TFCP2L1: variants seen among roughly 807,000 people sequenced by gnomAD.
TFCP2L1 encodes the protein transcription factor CP2-like protein 1.
A neutral mutation model predicts 72.2 loss-of-function variants in TFCP2L1; 12 were observed. The observed-to-expected ratio is 0.17, with a 90% CI of 0.11 to 0.27. TFCP2L1 has a LOEUF of 0.27. Among genes scored for constraint, TFCP2L1 ranks in the 10% least tolerant of loss-of-function variants. TFCP2L1 has a pLI of 1.00. For synonymous variants in TFCP2L1, 260 were observed against 251.0 expected (o/e 1.04, Z -0.34); for missense variants, 488 against 624.6 (o/e 0.78, Z 2.33).
chr2:121,255,843 C>T (rs773929864), intron 2 of TFCP2L1, among the ~76,000 whole-genome samples: 2 of 152,002 alleles, frequency 1.3e-5, no homozygotes, highest in Admixed American at 1.3e-4. Context: ...CCCGGGTTCA[C>T]GCCATTCTCC....
chr2:121,255,863 C>T (rs2104718966), intron 2 of TFCP2L1, among the ~76,000 whole-genome samples: 1 of 152,192 alleles, frequency 6.6e-6, no homozygotes, highest in East Asian at 1.9e-4. Flanking sequence ...CTGCCTCAGG[C>T]TCCCGAGTAG....
Position 121,249,578 on chromosome 2 carries a change from T to C in TFCP2L1, c.284A>G (p.Tyr95Cys), listed in dbSNP as rs756667578. ...ACAGCCTGTGAGGCTTACCTTGACA[T>C]ATTTTGTGTTCAGATCTTGAAAGTC... is the stretch of plus-strand genomic sequence containing the variant. Reference protein sequence around the residue: ...LGDFQDLNTKYVKSIIRVVFH... With the variant: ...LGDFQDLNTKCVKSIIRVVFH... The change falls in exon 3 of 15, where the codon TAT becomes TGT. Residue 95 changes from tyrosine (Y) to cysteine (C), a missense_variant. Physicochemically the swap from Tyr to Cys is radical, Grantham distance 194 (BLOSUM62 -2). Coordinates refer to ENST00000263707, the MANE Select transcript of TFCP2L1 (RefSeq NM_014553.3). 6 of 1,614,052 alleles carry C rather than the reference T, an allele frequency of 3.7e-6. No homozygotes were observed. The highest frequency in any genetic ancestry group is 5.1e-6 in the Non-Finnish European group (6 of 1,180,030).
At chr2:121,234,975 A>C (rs1686214859) in intron 11 of TFCP2L1, among the ~76,000 whole-genome samples, 1 of 152,230 alleles carries the variant, frequency 6.6e-6, no homozygotes, top group Non-Finnish European at 1.5e-5. Context: ...CGTCCAACCA[A>C]GAAGAGGGAG....
At chr2:121,235,190 T>G (rs746789687) in intron 11 of TFCP2L1, 31 bp downstream of exon 11, 1 of 1,612,922 alleles carries the variant, frequency 6.2e-7, no homozygotes, top group Admixed American at 1.7e-5. Flanking sequence ...CATGAGCCTC[T>G]GGCTGGCTTC....
rs562182133 is a variant in TFCP2L1, at chr2:121,230,513, G to A, written c.1341+1313C>T. Among the ~76,000 whole-genome samples the A allele has an allele frequency of 6.6e-5, 10 of 152,168 alleles. No homozygotes were observed. The South Asian group carries it at 1.2e-3, about 19-fold the overall frequency. ...AGGCTTCACTTCAGCTGGTGCAGGG[G>A]CTCATGCCTGTAATCCCAGCACTTT... On this transcript the variant is annotated intron_variant, in intron 13 of 14. Transcript: ENST00000263707.
At chr2:121,280,060 T>C (rs1326617376) in intron 2 of TFCP2L1, among the ~76,000 whole-genome samples, 1 of 152,108 alleles carries the variant, frequency 6.6e-6, no homozygotes, top group Non-Finnish European at 1.5e-5. Flanking sequence ...ATCAGGACAC[T>C]TGCCCACGTG....
chr2:121,247,071 G>T, intron 5 of TFCP2L1, 101 bp from the exon 6 acceptor site: 1 of 1,425,986 alleles, frequency 7.0e-7, no homozygotes, highest in Non-Finnish European at 9.6e-7. Context: ...TCCCTGCTTG[G>T]TCAGTGCAGG....
At chr2:121,273,945 T>C (rs1037910045) in intron 2 of TFCP2L1, among the ~76,000 whole-genome samples, 4 of 151,964 alleles carry the variant, frequency 2.6e-5, no homozygotes, top group Non-Finnish European at 5.9e-5. Flanking sequence ...AATACAAAAA[T>C]TAGCCTGGCG....
chr2:121,225,817 C>T lies in TFCP2L1; in HGVS notation c.1342-204G>A, dbSNP rs867238966. ...CACGGTAAACACCACTGCCACGGTG[C>T]CCACACACACGGGAACACGGTAAAC... On this transcript the variant is annotated intron_variant, in intron 13 of 14. Transcript: ENST00000263707. Among the ~76,000 whole-genome samples, 197 of 110,242 alleles carry T rather than the reference C, an allele frequency of 1.8e-3. 1 individual carries two copies. The highest frequency in any genetic ancestry group is 5.9e-3 in the African/African-American group (151 of 25,450). 72.3% of individuals were successfully genotyped at this position (110,242 alleles called of 152,430 possible). A position where few individuals can be genotyped will look rare whatever the true frequency, so the allele number is the denominator to read the frequency against.
chr2:121,229,916 G>A (rs998303321), intron 13 of TFCP2L1, among the ~76,000 whole-genome samples: 3 of 152,164 alleles, frequency 2.0e-5, no homozygotes, highest in Non-Finnish European at 4.4e-5. Context: ...ACCAGGTCAG[G>A]AACACTCTTG....
At position 121,227,681 on chromosome 2, in the gene TFCP2L1, C is replaced by CAAATAAAATA. The variant is rs569152525; in HGVS notation, c.1342-2078_1342-2069dup. On this transcript the variant is annotated intron_variant, in intron 13 of 14. Transcript: ENST00000263707. ...GGGTGACAGAGTGAGACTCTGTCTCCAAATAAAATAAAATAAAATAAAATA... is the reference window on the plus strand; with the variant it reads ...GGGTGACAGAGTGAGACTCTGTCTCCAAATAAAATAAAATAAAATAAAATAAAATAAAATA... Among the ~76,000 whole-genome samples the CAAATAAAATA allele has an allele frequency of 7.8e-4, 114 of 146,776 alleles. 3 individuals are homozygous for CAAATAAAATA. In the South Asian group the frequency reaches 0.011, roughly 14 times the overall value.
intron 2 of TFCP2L1, among the ~76,000 whole-genome samples, chr2:121,278,389 T>TAA (rs528443623): frequency 6.7e-6 from 1 of 148,606 alleles, no homozygotes; most frequent in Non-Finnish European, 1.5e-5. Flanking sequence ...AAACTCTTTT[T>TAA]AAAAAAACCT....
At chr2:121,272,440 C>T (rs866744474) in intron 2 of TFCP2L1, among the ~76,000 whole-genome samples, 1 of 152,162 alleles carries the variant, frequency 6.6e-6, no homozygotes, top group Non-Finnish European at 1.5e-5. Context: ...ATTTCAACAC[C>T]TTGCATAGGA....
chr2:121,281,055 G>A (rs1687246966), intron 2 of TFCP2L1, 65 bp downstream of exon 2: 1 of 1,605,452 alleles, frequency 6.2e-7, no homozygotes, highest in South Asian at 1.1e-5. Flanking sequence ...GGCCCAAATG[G>A]GCCTTTCGCA....
rs929043662 is a variant in TFCP2L1, at chr2:121,219,832, T to C, written c.*4509A>G. 1.3e-5 allele frequency: 2 copies of C among 152,076 alleles called. No individual in the cohort carries two copies. The highest frequency in any genetic ancestry group is 4.8e-5 in the African/African-American group (2 of 41,390). The allele number at this position is 152,076 out of a possible 1,614,324, so 9.4% of individuals were successfully genotyped here. On this transcript the variant is annotated 3_prime_UTR_variant, in exon 15 of 15. Coordinates refer to ENST00000263707, the MANE Select transcript of TFCP2L1 (RefSeq NM_014553.3). ...CCCCTCAGATTCATTTCATGGCAGG[T>C]TGGTGCCATCTTCAGAGATCACCAA...
At chr2:121,262,569 G>A (rs983273641) in intron 2 of TFCP2L1, among the ~76,000 whole-genome samples, 37 of 152,236 alleles carry the variant, frequency 2.4e-4, no homozygotes, top group Non-Finnish European at 5.9e-5. Context: ...AGACTCAGGA[G>A]ACATGGCAAC....
intron 6 of TFCP2L1, among the ~76,000 whole-genome samples, chr2:121,243,368 C>T (rs188204585): frequency 5.3e-5 from 8 of 152,286 alleles, no homozygotes; most frequent in South Asian, 2.1e-4. Context: ...CTACAGCTTT[C>T]GGCTCCCAGA....
chr2:121,249,218 C>CA, intron 3 of TFCP2L1, 131 bp from the exon 4 acceptor site: 1 of 668,060 alleles, frequency 1.5e-6, no homozygotes, highest in Non-Finnish European at 2.5e-6. Context: ...TCCCAGTTCT[C>CA]AAGCTTTGCC....
Position 121,235,323 on chromosome 2 carries a change from A to G in TFCP2L1, c.1004-12T>C. ...CAGCAAGTCAGCACCTAGGCAGGAA[A>G]AAAACGGGGATGCCTGTTACATGGA... On this transcript the variant is annotated splice_polypyrimidine_tract_variant and intron_variant, in intron 10 of 14. Transcript: ENST00000263707. 6.2e-7 allele frequency: 1 copy of G among 1,614,002 alleles called. No individual in the cohort carries two copies. The highest frequency in any genetic ancestry group is 8.5e-7 in the Non-Finnish European group (1 of 1,179,930).
Sources: allele counts gnomAD v4.1 joint callset (sites outside exome capture counted in the v4.1 genomes callset), GRCh38; gene constraint gnomAD v4.1.1; transcripts MANE v1.5; gene names NCBI Gene and HGNC (gene_info 2026-07-23, HGNC 2026-07-21).